SLC25A36: variants seen among roughly 807,000 people sequenced by gnomAD.
SLC25A36 encodes epididymis secretory sperm binding protein.
A neutral mutation model predicts 35.3 loss-of-function variants in SLC25A36; 24 were observed. The ratio of observed to expected loss-of-function variants is 0.68; its 90% confidence interval spans 0.49 to 0.96. SLC25A36 has a LOEUF of 0.96. SLC25A36 is among the 40% of genes least tolerant of loss of function. The pLI, the probability that SLC25A36 is intolerant of heterozygous loss-of-function variation, is 0.00. For missense variants in SLC25A36, 294 were observed against 381.1 expected, an observed-to-expected ratio of 0.77 and a Z score of 1.90; for synonymous variants, 141 against 132.2, an observed-to-expected ratio of 1.07 and a Z score of -0.46.
Position 140,980,075 on chromosome 3 carries a change from C to T in SLC25A36, c.*3622C>T, listed in dbSNP as rs139797644. 3 of 152,230 alleles carry T rather than the reference C, an allele frequency of 2.0e-5. No individual in the cohort carries two copies. In the East Asian group the frequency reaches 5.8e-4, roughly 29 times the overall value. 9.4% of individuals were successfully genotyped at this position (152,230 alleles called of 1,614,324 possible). ...GGCTCGCTTGATTCAGTCAGCAAAC[C>T]TTATCTTGAGCACTTTGTATCTGTT... is the stretch of plus-strand genomic sequence containing the variant. On this transcript the variant is annotated 3_prime_UTR_variant, in exon 7 of 7. Coordinates refer to ENST00000324194, the MANE Select transcript of SLC25A36 (RefSeq NM_001104647.3).
At chr3:140,972,088 C>T (rs965048427) in intron 5 of SLC25A36, among the ~76,000 whole-genome samples, 6 of 152,044 alleles carry the variant, frequency 3.9e-5, no homozygotes, top group Non-Finnish European at 7.4e-5. Flanking sequence ...TTCTTAAAGC[C>T]ACATATCTGA....
chr3:140,956,749 T>C, intron 2 of SLC25A36, 58 bp downstream of exon 2: 1 of 1,489,516 alleles, frequency 6.7e-7, no homozygotes, highest in Non-Finnish European at 9.0e-7. Flanking sequence ...GAGTTCCAGA[T>C]GTTTGTTTAC....
At chr3:140,968,372 T>C (rs903008594) in intron 4 of SLC25A36, 2 of 860,760 alleles carry the variant, frequency 2.3e-6, no homozygotes, top group Non-Finnish European at 1.4e-6. Flanking sequence ...CTAGCTCTCA[T>C]TGGGAGAGTT....
chr3:140,942,112 G>C lies in SLC25A36; in HGVS notation c.41+17G>C, dbSNP rs1177150517. 8.0e-6 allele frequency: 11 copies of C among 1,375,120 alleles called. No individual in the cohort carries two copies. The South Asian group carries it at 1.3e-4, about 17-fold the overall frequency. 85.2% of individuals were successfully genotyped at this position (1,375,120 alleles called of 1,614,324 possible). ...TGCCGGAGGGTAAGGTCCTGGCGGGGCGTGCGCACTGGGGCTGAGGGTGCT... is the reference window on the plus strand; with the variant it reads ...TGCCGGAGGGTAAGGTCCTGGCGGGCCGTGCGCACTGGGGCTGAGGGTGCT... On this transcript the variant is annotated intron_variant, in intron 1 of 6. Coordinates refer to ENST00000324194, the MANE Select transcript of SLC25A36 (RefSeq NM_001104647.3).
At chr3:140,967,665 AT>A (rs1344346375) in intron 4 of SLC25A36, among the ~76,000 whole-genome samples, 3 of 151,910 alleles carry the variant, frequency 2.0e-5, no homozygotes, top group Non-Finnish European at 4.4e-5. Context: ...TTTAAGCAGA[AT>A]TTTTCTGTTA....
At chr3:140,971,035 A>C in intron 5 of SLC25A36, 42 bp downstream of exon 5, 1 of 840,628 alleles carries the variant, frequency 1.2e-6, no homozygotes, top group Non-Finnish European at 2.0e-6. Flanking sequence ...AAGTGGATTT[A>C]ACTAATTTTT....
At chr3:140,951,236 T>A (rs1487291800) in intron 1 of SLC25A36, among the ~76,000 whole-genome samples, 2 of 152,196 alleles carry the variant, frequency 1.3e-5, no homozygotes, top group African/African-American at 2.4e-5. Flanking sequence ...AGTGAGATTT[T>A]TGACATGGAG....
chr3:140,945,714 G>C (rs1314879410), intron 1 of SLC25A36, among the ~76,000 whole-genome samples: 1 of 148,636 alleles, frequency 6.7e-6, no homozygotes, highest in Admixed American at 6.8e-5. Flanking sequence ...TGTAGTCATC[G>C]TATTCACCTC....
Position 140,959,484 on chromosome 3 carries a change from G to A in SLC25A36, c.228G>A (p.Gly76=). 1 of 1,520,310 alleles carries A rather than the reference G, an allele frequency of 6.6e-7. No individual in the cohort carries two copies. The highest frequency in any genetic ancestry group is 1.3e-5 in the South Asian group (1 of 74,102). 94.2% of individuals were successfully genotyped at this position (1,520,310 alleles called of 1,614,324 possible). A position where few individuals can be genotyped will look rare whatever the true frequency, so the allele number is the denominator to read the frequency against. The change falls in exon 3 of 7, where the codon GGG becomes GGA. Residue 76 remains glycine (G), a synonymous_variant. Transcript: ENST00000324194. ...TCAGGGTGATCTTGGAAAAAGAAGGGCCTCGTTCCTTGTTTAGAGGACTAG... is the reference window on the plus strand; with the variant it reads ...TCAGGGTGATCTTGGAAAAAGAAGGACCTCGTTCCTTGTTTAGAGGACTAG... ...HCLKVILEKE[G]PRSLFRGLGP...
rs3773838 is a variant in SLC25A36 at position 140,956,322 on chromosome 3, G to T, written c.42-205G>T. ...ATTCTTGCCAGATAGTTACTAAGCTGTGTTCATTTTAGTTACTGAAGAAGT... is the reference window on the plus strand; with the variant it reads ...ATTCTTGCCAGATAGTTACTAAGCTTTGTTCATTTTAGTTACTGAAGAAGT... On this transcript the variant is annotated intron_variant, in intron 1 of 6. Coordinates refer to ENST00000324194, the MANE Select transcript of SLC25A36 (RefSeq NM_001104647.3). 0.075 allele frequency among the ~76,000 whole-genome samples: 11,362 copies of T among 152,112 alleles called. 531 individuals carry two copies. Among genetic ancestry groups the T allele is most frequent in the East Asian group, 0.17 (855 of 5,174 alleles).
At chr3:140,953,597 C>T (rs1049178359) in intron 1 of SLC25A36, among the ~76,000 whole-genome samples, 4 of 151,952 alleles carry the variant, frequency 2.6e-5, no homozygotes, top group African/African-American at 9.7e-5. Context: ...TAAAATCTAC[C>T]CTTTGTTAAA....
Position 140,971,012 on chromosome 3 carries a change from A to C in SLC25A36, c.452+19A>C. The C allele has an allele frequency of 8.9e-7, 1 of 1,128,628 alleles. No individual in the cohort carries two copies. The highest frequency in any genetic ancestry group is 1.3e-6 in the Non-Finnish European group (1 of 746,996). 69.9% of individuals were successfully genotyped at this position (1,128,628 alleles called of 1,614,324 possible). On this transcript the variant is annotated intron_variant, in intron 5 of 6. Coordinates refer to ENST00000324194, the MANE Select transcript of SLC25A36 (RefSeq NM_001104647.3). ...ATGCAAGGTATGTTAATTCCTTAAA[A>C]TAAAATTGGTTAAAGTGGATTTAAC...
intron 1 of SLC25A36, among the ~76,000 whole-genome samples, chr3:140,943,575 C>G (rs546274591): frequency 6.6e-6 from 1 of 152,272 alleles, no homozygotes; most frequent in East Asian, 1.9e-4. Context: ...ATTGAGCTCC[C>G]TCTTGTAATT....
In SLC25A36 at chr3:140,979,141, A is replaced by G. The variant is rs1935126842; in HGVS notation, c.*2688A>G. On this transcript the variant is annotated 3_prime_UTR_variant, in exon 7 of 7. Coordinates refer to ENST00000324194, the MANE Select transcript of SLC25A36 (RefSeq NM_001104647.3). ...TCTCATTATGTAACTTTGTAGAACC[A>G]TCCTTTCTAGATGGGTCCACCACAG... The G allele has an allele frequency of 1.3e-5, 2 of 152,196 alleles. No individual in the cohort carries two copies. Among genetic ancestry groups the G allele is most frequent in the Admixed American group, 6.5e-5 (1 of 15,278 alleles). 9.4% of individuals were successfully genotyped at this position (152,196 alleles called of 1,614,324 possible).
At chr3:140,973,287 G>A (rs2555706) in intron 5 of SLC25A36, 151,324 of 152,600 alleles carry the variant, frequency 0.99, 75,053 homozygotes, top group Middle Eastern at 1. Flanking sequence ...TATCATCATT[G>A]GTGTCTCAGT....
intron 1 of SLC25A36, among the ~76,000 whole-genome samples, chr3:140,943,702 T>TA (rs146498521): frequency 0.075 from 11,385 of 152,286 alleles, 535 homozygotes; most frequent in East Asian, 0.17. Context: ...GAGGTTGTAT[T>TA]ATATGATCTC....
At chr3:140,947,473 A>G (rs1934198970) in intron 1 of SLC25A36, among the ~76,000 whole-genome samples, 1 of 152,024 alleles carries the variant, frequency 6.6e-6, no homozygotes, top group African/African-American at 2.4e-5. Context: ...TACAAGACCT[A>G]TTTGCACAGA....
intron 1 of SLC25A36, among the ~76,000 whole-genome samples, chr3:140,950,012 ATATAT>A (rs1377305643): frequency 3.3e-5 from 5 of 152,122 alleles, no homozygotes; most frequent in Admixed American, 1.3e-4. Flanking sequence ...TTTCAAATTA[ATATAT>A]TATACATCAT....
At chr3:140,957,990 A>G (rs1175889726) in intron 2 of SLC25A36, among the ~76,000 whole-genome samples, 2 of 151,952 alleles carry the variant, frequency 1.3e-5, no homozygotes, top group Admixed American at 6.6e-5. Context: ...TAAGCTCTTT[A>G]TATATTAATT....
Sources: allele counts gnomAD v4.1 joint callset (sites outside exome capture counted in the v4.1 genomes callset), GRCh38; gene constraint gnomAD v4.1.1; transcripts MANE v1.5; gene names NCBI Gene and HGNC (gene_info 2026-07-23, HGNC 2026-07-21).